AXDND1: variants seen among roughly 807,000 people sequenced by gnomAD.
AXDND1 encodes the protein axonemal dynein light chain domain containing 1, also known as axonemal dynein light chain domain-containing protein 1.
A neutral mutation model predicts 137.5 loss-of-function variants in AXDND1; 110 were observed. The observed-to-expected ratio is 0.80, with a 90% CI of 0.69 to 0.94. The LOEUF (loss-of-function observed/expected upper bound fraction) is 0.94, where lower values mean the gene tolerates loss of function less well. AXDND1 is among the 40% of genes least tolerant of loss of function. The pLI, the probability that AXDND1 is intolerant of heterozygous loss-of-function variation, is 0.00. For synonymous variants in AXDND1, 414 were observed against 399.7 expected (o/e 1.04, Z -0.43); for missense variants, 1,191 against 1,169.8 (o/e 1.02, Z -0.26).
At chr1:179,480,738 TG>T (rs1445405474) in intron 17 of AXDND1, among the ~76,000 whole-genome samples, 2 of 151,872 alleles carry the variant, frequency 1.3e-5, no homozygotes, top group African/African-American at 4.8e-5. Context: ...CCCTCTTCCT[TG>T]TATTAAGACT....
chr1:179,484,423 A>C (rs912934462), intron 18 of AXDND1, among the ~76,000 whole-genome samples: 1 of 152,122 alleles, frequency 6.6e-6, no homozygotes, highest in Non-Finnish European at 1.5e-5. Context: ...AGACAGGGCC[A>C]GTTTCACCTG....
intron 9 of AXDND1, among the ~76,000 whole-genome samples, chr1:179,387,414 G>C (rs1258315576): frequency 6.6e-6 from 1 of 152,112 alleles, no homozygotes; most frequent in Non-Finnish European, 1.5e-5. Flanking sequence ...TGCAATAATG[G>C]CATTAGTCCA....
chr1:179,368,773 A>G, intron 2 of AXDND1, 27 bp from the exon 3 acceptor site: 1 of 1,567,776 alleles, frequency 6.4e-7, no homozygotes, highest in South Asian at 1.2e-5. Flanking sequence ...ATATAGTAAG[A>G]GTTTTTCTTT....
intron 11 of AXDND1, among the ~76,000 whole-genome samples, chr1:179,398,401 A>G (rs1318236362): frequency 6.6e-6 from 1 of 151,794 alleles, no homozygotes; most frequent in African/African-American, 2.4e-5. Flanking sequence ...TGGTCACTAC[A>G]CTCTGTTGGG....
chr1:179,530,512 C>T (rs1670946951), intron 23 of AXDND1, among the ~76,000 whole-genome samples: 1 of 152,140 alleles, frequency 6.6e-6, no homozygotes, highest in South Asian at 2.1e-4. Flanking sequence ...AGCCTGCAGC[C>T]TGGGACAAAA....
At chr1:179,479,463 G>A (rs1393343392) in intron 17 of AXDND1, among the ~76,000 whole-genome samples, 12 of 105,462 alleles carry the variant, frequency 1.1e-4, no homozygotes, top group Admixed American at 8.3e-4. Flanking sequence ...CAACAAGAGC[G>A]AAACTCTGTC....
chr1:179,378,127 C>T (rs544527082), intron 4 of AXDND1, among the ~76,000 whole-genome samples: 7 of 152,168 alleles, frequency 4.6e-5, no homozygotes, highest in East Asian at 1.9e-4. Flanking sequence ...TGAGATTTTG[C>T]GCCATTGCAC....
chr1:179,551,698 A>G, intron 25 of AXDND1: 1 of 514,844 alleles, frequency 1.9e-6, no homozygotes, highest in Non-Finnish European at 3.5e-6. Flanking sequence ...TAGGGGAGTT[A>G]TTAGCATCTG....
chr1:179,527,815 G>C (rs1670678940), intron 22 of AXDND1, among the ~76,000 whole-genome samples: 2 of 152,038 alleles, frequency 1.3e-5, no homozygotes, highest in South Asian at 4.1e-4. Flanking sequence ...CCCCTTTTCT[G>C]GTAACAAAAC....
intron 17 of AXDND1, among the ~76,000 whole-genome samples, chr1:179,473,717 G>C (rs1336702725): frequency 2.0e-5 from 3 of 152,124 alleles, no homozygotes; most frequent in Admixed American, 1.3e-4. Flanking sequence ...TAGATCATGA[G>C]AGCAGTTACC....
At chr1:179,429,010 T>C (rs1656990622) in intron 12 of AXDND1, among the ~76,000 whole-genome samples, 1 of 152,044 alleles carries the variant, frequency 6.6e-6, no homozygotes, top group South Asian at 2.1e-4. Context: ...ACCTCATCTC[T>C]ACTAAAAATA....
At chr1:179,431,828 A>G (rs1367702875) in intron 14 of AXDND1, among the ~76,000 whole-genome samples, 3 of 152,140 alleles carry the variant, frequency 2.0e-5, no homozygotes, top group Non-Finnish European at 4.4e-5. Context: ...ATTTATCAAT[A>G]GCTTTCACCT....
chr1:179,523,265 A>T (rs1013553573), intron 21 of AXDND1, among the ~76,000 whole-genome samples: 1 of 148,546 alleles, frequency 6.7e-6, no homozygotes. Flanking sequence ...TTGAGGCAGC[A>T]ATTTCCTATT....
chr1:179,448,629 A>G (rs965296072), intron 16 of AXDND1: 9 of 254,014 alleles, frequency 3.5e-5, no homozygotes, highest in Admixed American at 2.1e-4. Flanking sequence ...GCCCGCCGCC[A>G]GCGCTCCGCA....
At chr1:179,367,734 C>T (rs1478339108) in intron 2 of AXDND1, among the ~76,000 whole-genome samples, 1 of 152,174 alleles carries the variant, frequency 6.6e-6, no homozygotes, top group Non-Finnish European at 1.5e-5. Flanking sequence ...TAGACTTGGT[C>T]TCAAATAAGT....
intron 13 of AXDND1, 97 bp from the exon 14 acceptor site, chr1:179,430,355 C>T (rs977245864): frequency 2.2e-6 from 2 of 902,312 alleles, no homozygotes; most frequent in Non-Finnish European, 3.2e-6. Context: ...ATGAATTTCT[C>T]TAGTATTACA....
Position 179,397,735 on chromosome 1 carries a change from A to G in AXDND1, c.1109+2533A>G, listed in dbSNP as rs142227691. On this transcript the variant is annotated intron_variant, in intron 11 of 25. Coordinates refer to ENST00000367618, the MANE Select transcript of AXDND1 (RefSeq NM_144696.6). ...TCTGACTCTCTTATTTCAGAAAACC[A>G]GTCTTCAAGTTCTGAGATTCTTTCT... 6.3e-3 allele frequency among the ~76,000 whole-genome samples: 960 copies of G among 152,284 alleles called. 11 individuals carry two copies. Among genetic ancestry groups the G allele is most frequent in the African/African-American group, 0.022 (916 of 41,552 alleles).
intron 16 of AXDND1, chr1:179,448,512 A>C: frequency 2.7e-6 from 1 of 370,266 alleles, no homozygotes. Flanking sequence ...TCAATACCGT[A>C]ATGCATCGTA....
rs1664468048 is a variant in AXDND1, at chr1:179,475,263, G to T, written c.1997+6622G>T. ...CTGCCTAGTGGAGCTGTGAGAAGAGGGCCACTGTCCTCCAGACCTCAGAAT... is the reference window on the plus strand; with the variant it reads ...CTGCCTAGTGGAGCTGTGAGAAGAGTGCCACTGTCCTCCAGACCTCAGAAT... On this transcript the variant is annotated intron_variant, in intron 17 of 25. Coordinates refer to ENST00000367618, the MANE Select transcript of AXDND1 (RefSeq NM_144696.6). Among the ~76,000 whole-genome samples the T allele has an allele frequency of 4.6e-5, 7 of 152,212 alleles. No homozygotes were observed. In the South Asian group the frequency reaches 1.4e-3, roughly 31 times the overall value.
Sources: gnomAD v4.1 joint callset for allele counts (sites outside exome capture counted in the v4.1 genomes callset) on GRCh38, gnomAD v4.1.1 for gene constraint, MANE v1.5 for transcripts, NCBI Gene and HGNC (gene_info 2026-07-23, HGNC 2026-07-21) for gene names.